The following ARL15 variants were observed in gnomAD, a reference collection of about 807,000 sequenced individuals.
The protein encoded by ARL15 is ADP-ribosylation factor-like protein 15.
ARL15 carries 19 observed loss-of-function variants against 25.2 expected under a neutral mutation model. The observed-to-expected ratio is 0.75, with a 90% CI of 0.53 to 1.10. The LOEUF is 1.10. ARL15 is among the 50% of genes least tolerant of loss of function. ARL15 has a pLI of 0.00. For missense variants in ARL15, 220 were observed against 246.0 expected, an observed-to-expected ratio of 0.89 and a Z score of 0.71; for synonymous variants, 94 against 86.8, an observed-to-expected ratio of 1.08 and a Z score of -0.46.
rs571189196 is a variant in ARL15, at chr5:53,935,385, G to C, written c.463-48672C>G. On this transcript the variant is annotated intron_variant, in intron 4 of 4. Transcript: ENST00000504924. Reference sequence around the variant, plus strand: ...TGAATAACAAAAAAGAAAATAAACAGAATACTATTCAGCTACTAGCTGACT... The same window carrying C: ...TGAATAACAAAAAAGAAAATAAACACAATACTATTCAGCTACTAGCTGACT... Among the ~76,000 whole-genome samples, 5 of 152,280 alleles carry C rather than the reference G, an allele frequency of 3.3e-5. No homozygotes were observed. In the East Asian group the frequency reaches 9.7e-4, roughly 29 times the overall value.
intron 1 of ARL15, among the ~76,000 whole-genome samples, chr5:54,249,412 T>C (rs951964681): frequency 2.0e-5 from 3 of 151,918 alleles, no homozygotes; most frequent in African/African-American, 7.3e-5. Flanking sequence ...TAGAAGATAC[T>C]TGAGTCAACG....
intron 4 of ARL15, among the ~76,000 whole-genome samples, chr5:53,923,960 G>C (rs1312110945): frequency 6.6e-6 from 1 of 152,172 alleles, no homozygotes; most frequent in Non-Finnish European, 1.5e-5. Flanking sequence ...TGTAATTCAA[G>C]CTTAAGATCT....
At chr5:54,272,105 G>A (rs56303982) in intron 1 of ARL15, among the ~76,000 whole-genome samples, 1,606 of 94,004 alleles carry the variant, frequency 0.017, 50 homozygotes, top group African/African-American at 0.053. Flanking sequence ...CACCACTCCT[G>A]GCTTTTTTTT....
At chr5:54,057,344 A>G (rs1750910443) in intron 4 of ARL15, among the ~76,000 whole-genome samples, 1 of 152,246 alleles carries the variant, frequency 6.6e-6, no homozygotes, top group Admixed American at 6.5e-5. Context: ...ATAGTCCATC[A>G]ACATGATTTT....
intron 1 of ARL15, among the ~76,000 whole-genome samples, chr5:54,266,852 A>C (rs919630987): frequency 6.6e-6 from 1 of 152,188 alleles, no homozygotes; most frequent in East Asian, 1.9e-4. Flanking sequence ...AAGATGACCC[A>C]AAAAAAGCAA....
In ARL15 at chr5:54,163,355, GCTTTTTTTTTTTTTTTTT is replaced by G. The variant is rs1231219718; in HGVS notation, c.193+8411_193+8428del. Among the ~76,000 whole-genome samples the G allele has an allele frequency of 4.5e-4, 23 of 51,346 alleles. No individual in the cohort carries two copies. In the East Asian group the frequency reaches 4.6e-3, roughly 10 times the overall value. The allele number at this position is 51,346 out of a possible 152,430, so 33.7% of individuals were successfully genotyped here. On this transcript the variant is annotated intron_variant, in intron 2 of 4. Transcript: ENST00000504924. The stretch of plus-strand genomic sequence containing the variant: ...TGTCCATGAGGGCTATTGGTATGAA[GCTTTTTTTTTTTTTTTTT>G]TTTTTTTTTTTTTTTTTTTTTGTAA...
chr5:54,021,541 T>C (rs748193460), intron 4 of ARL15, among the ~76,000 whole-genome samples: 1 of 152,174 alleles, frequency 6.6e-6, no homozygotes, highest in Non-Finnish European at 1.5e-5. Context: ...TCAGCGTACC[T>C]GAATTTCTTT....
At chr5:54,206,502 ACTT>A (rs1755872623) in intron 1 of ARL15, among the ~76,000 whole-genome samples, 1 of 152,220 alleles carries the variant, frequency 6.6e-6, no homozygotes, top group African/African-American at 2.4e-5. Context: ...ATACCGTTAT[ACTT>A]CAAAAAGCTG....
rs547595336 is a variant in ARL15, at chr5:53,913,564, T to A, written c.463-26851A>T. Reference sequence around the variant, plus strand: ...AACTCTTTGGCTTTGGGTAAGTCCCTTGACTGCTCTAGGCCATAGTTTTCT... The same window carrying A: ...AACTCTTTGGCTTTGGGTAAGTCCCATGACTGCTCTAGGCCATAGTTTTCT... On this transcript the variant is annotated intron_variant, in intron 4 of 4. Transcript: ENST00000504924. Among the ~76,000 whole-genome samples the A allele has an allele frequency of 4.7e-4, 71 of 152,322 alleles. 1 individual carries two copies. The South Asian group carries it at 0.013, about 29-fold the overall frequency.
chr5:53,956,399 A>G (rs909433151), intron 4 of ARL15, among the ~76,000 whole-genome samples: 2 of 150,178 alleles, frequency 1.3e-5, no homozygotes, highest in Admixed American at 6.6e-5. Flanking sequence ...AAAAATATAT[A>G]AGGCATGCAA....
intron 1 of ARL15, among the ~76,000 whole-genome samples, chr5:54,278,349 T>C (rs1440828321): frequency 6.6e-6 from 1 of 152,190 alleles, no homozygotes; most frequent in African/African-American, 2.4e-5. Flanking sequence ...CAGGATTTCA[T>C]AAAATCATAG....
intron 4 of ARL15, among the ~76,000 whole-genome samples, chr5:53,894,191 G>C (rs776902323): frequency 6.6e-6 from 1 of 152,192 alleles, no homozygotes; most frequent in East Asian, 1.9e-4. Flanking sequence ...GGATACTAAA[G>C]TTCAGTGCAG....
intron 4 of ARL15, chr5:53,951,437 T>C (rs1746951867): frequency 2.2e-6 from 1 of 461,468 alleles, no homozygotes; most frequent in African/African-American, 2.0e-5. Flanking sequence ...CCTAAATGTT[T>C]ACTCTCAATT....
intron 4 of ARL15, among the ~76,000 whole-genome samples, chr5:54,011,257 A>C (rs1161835417): frequency 6.6e-6 from 1 of 152,170 alleles, no homozygotes; most frequent in Non-Finnish European, 1.5e-5. Context: ...ATGGCTTTGT[A>C]GATTATAAAA....
chr5:54,026,618 G>A (rs1043230228), intron 4 of ARL15, among the ~76,000 whole-genome samples: 1 of 152,136 alleles, frequency 6.6e-6, no homozygotes, highest in African/African-American at 2.4e-5. Flanking sequence ...GAGAGCCAAG[G>A]GAAATTTTCT....
chr5:53,946,779 T>C (rs1441399191), intron 4 of ARL15, among the ~76,000 whole-genome samples: 2 of 152,076 alleles, frequency 1.3e-5, no homozygotes, highest in Non-Finnish European at 1.5e-5. Context: ...GAAAAATCCA[T>C]CCATAGTAAA....
chr5:54,299,654 A>G (rs1364414784), intron 1 of ARL15, among the ~76,000 whole-genome samples: 1 of 141,648 alleles, frequency 7.1e-6, no homozygotes, highest in East Asian at 2.1e-4. Flanking sequence ...CAGTGGCGCA[A>G]TCTCGGCTCA....
intron 1 of ARL15, among the ~76,000 whole-genome samples, chr5:54,209,531 A>G (rs1003191356): frequency 1.3e-5 from 2 of 152,294 alleles, no homozygotes; most frequent in Non-Finnish European, 2.9e-5. Context: ...AAAAATAAAA[A>G]CTAAATAATA....
At chr5:54,054,386 A>T (rs539647624) in intron 4 of ARL15, among the ~76,000 whole-genome samples, 1 of 152,238 alleles carries the variant, frequency 6.6e-6, no homozygotes, top group East Asian at 1.9e-4. Context: ...AAAAATCTGG[A>T]AACAAAGCAA....
Sources: gnomAD v4.1 joint callset for allele counts (sites outside exome capture counted in the v4.1 genomes callset) on GRCh38, gnomAD v4.1.1 for gene constraint, MANE v1.5 for transcripts, NCBI Gene and HGNC (gene_info 2026-07-23, HGNC 2026-07-21) for gene names.